Variants in FAM210A observed in about 807,000 individuals in gnomAD.
FAM210A encodes the protein mitochondrial inner membrane scaffold 1.
In FAM210A, 13 loss-of-function variants were observed where a neutral mutation model predicts 25.3. The observed-to-expected ratio is 0.51, with a 90% CI of 0.33 to 0.82. FAM210A has a LOEUF of 0.82. Among genes scored for constraint, FAM210A ranks in the 40% least tolerant of loss-of-function variants. FAM210A has a pLI of 0.02. For synonymous variants in FAM210A, 125 were observed against 118.7 expected, an observed-to-expected ratio of 1.05 and a Z score of -0.35; for missense variants, 319 against 323.2, an observed-to-expected ratio of 0.99 and a Z score of 0.10.
At chr18:13,719,138 G>A (rs1218168302) in intron 1 of FAM210A, among the ~76,000 whole-genome samples, 1 of 152,124 alleles carries the variant, frequency 6.6e-6, no homozygotes, top group Non-Finnish European at 1.5e-5. Flanking sequence ...CATTATATAT[G>A]ACATTCATTT....
chr18:13,679,950 GA>G (rs1313833118), intron 2 of FAM210A, among the ~76,000 whole-genome samples: 3 of 152,002 alleles, frequency 2.0e-5, no homozygotes, highest in Non-Finnish European at 4.4e-5. Context: ...AAAGTAAAAG[GA>G]ACAAAAATAT....
At position 13,666,414 on chromosome 18, in the gene FAM210A, T is replaced by C. The variant is rs539258590; in HGVS notation, c.*66A>G. On this transcript the variant is annotated 3_prime_UTR_variant, in exon 4 of 4. Transcript: ENST00000651643. ...AACCAAAAAAATAATCAGACACATGTATCTTTGCCCATAGTTTCCAAAGGG... is the reference window on the plus strand; with the variant it reads ...AACCAAAAAAATAATCAGACACATGCATCTTTGCCCATAGTTTCCAAAGGG... 60 of 1,279,540 alleles carry C rather than the reference T, an allele frequency of 4.7e-5. No individual in the cohort carries two copies. The East Asian group carries it at 6.8e-4, about 15-fold the overall frequency. The allele number at this position is 1,279,540 out of a possible 1,614,324, so 79.3% of individuals were successfully genotyped here.
At chr18:13,686,311 G>A (rs1364643385) in intron 1 of FAM210A, among the ~76,000 whole-genome samples, 2 of 151,982 alleles carry the variant, frequency 1.3e-5, no homozygotes, top group Non-Finnish European at 1.5e-5. Context: ...CCTCTGAGCT[G>A]TGTATTCACC....
intron 1 of FAM210A, among the ~76,000 whole-genome samples, chr18:13,693,154 T>C (rs1409305533): frequency 9.2e-5 from 14 of 152,192 alleles, no homozygotes; most frequent in African/African-American, 3.4e-4. Flanking sequence ...CTAGAAGAAA[T>C]GGATAAATTC....
At position 13,671,942 on chromosome 18, in the gene FAM210A, T is replaced by A; in HGVS notation, c.505A>T (p.Ile169Phe). 1 of 1,612,550 alleles carries A rather than the reference T, an allele frequency of 6.2e-7. No individual in the cohort carries two copies. Among genetic ancestry groups the A allele is most frequent in the East Asian group, 2.2e-5 (1 of 44,800 alleles). Residue 169 changes from isoleucine (I) to phenylalanine (F), a missense_variant, in exon 3 of 4, where the codon ATT becomes TTT. Physicochemically the swap from Ile to Phe is conservative, Grantham distance 21. Coordinates refer to ENST00000651643, the MANE Select transcript of FAM210A (RefSeq NM_152352.4). ...GVNVVPFLEL[I>F]GLPDSVVSIL... is the part of the protein sequence containing the mutation. ...CTTACCACACTGTCAGGTAACCCAA[T>A]GAGTTCTAGAAAAGGAACGACATTC...
chr18:13,705,856 A>C (rs2043774352), intron 1 of FAM210A, among the ~76,000 whole-genome samples: 1 of 152,182 alleles, frequency 6.6e-6, no homozygotes, highest in Non-Finnish European at 1.5e-5. Flanking sequence ...ATATTTGGCT[A>C]CCTGATGGGT....
chr18:13,681,616 A>G lies in FAM210A; in HGVS notation c.462T>C (p.Tyr154=). 1 of 1,600,496 alleles carries G rather than the reference A, an allele frequency of 6.2e-7. No homozygotes were observed. Among genetic ancestry groups the G allele is most frequent in the Non-Finnish European group, 8.5e-7 (1 of 1,174,368 alleles). Residue 154 remains tyrosine, a synonymous_variant, in exon 2 of 4, where the codon TAT becomes TAC. Coordinates refer to ENST00000651643, the MANE Select transcript of FAM210A (RefSeq NM_152352.4). The part of the protein sequence containing the change: ...TSGVWFGTFY[Y]AALKGVNVVP... ...AAGCAAAAACTTACTTCAAGGCTGCATAATAAAATGTTCCAAACCAAACAC... is the reference window on the plus strand; with the variant it reads ...AAGCAAAAACTTACTTCAAGGCTGCGTAATAAAATGTTCCAAACCAAACAC...
Position 13,666,538 on chromosome 18 carries a change from A to G in FAM210A, c.761T>C (p.Leu254Pro). The change falls in exon 4 of 4, where the codon CTC becomes CCC. Residue 254 changes from leucine (L) to proline (P), a missense_variant. Coordinates refer to ENST00000651643, the MANE Select transcript of FAM210A (RefSeq NM_152352.4). ...TTTGGTTTCTTGTAACTTTTCAGTGAGTCTATCTTTTGTTTCTTCCATTTT... is the reference window on the plus strand; with the variant it reads ...TTTGGTTTCTTGTAACTTTTCAGTGGGTCTATCTTTTGTTTCTTCCATTTT... ...TEKMEETKDR[L>P]TEKLQETKEK... 6.2e-7 allele frequency: 1 copy of G among 1,614,050 alleles called. No individual in the cohort carries two copies. Among genetic ancestry groups the G allele is most frequent in the South Asian group, 1.1e-5 (1 of 91,082 alleles).
chr18:13,718,200 G>C (rs1441544907), intron 1 of FAM210A, among the ~76,000 whole-genome samples: 1 of 152,086 alleles, frequency 6.6e-6, no homozygotes, highest in Non-Finnish European at 1.5e-5. Flanking sequence ...CTAAATGTGG[G>C]GGTAATTTGT....
At chr18:13,695,964 G>A (rs558219647) in intron 1 of FAM210A, among the ~76,000 whole-genome samples, 3 of 152,094 alleles carry the variant, frequency 2.0e-5, no homozygotes, top group African/African-American at 7.2e-5. Context: ...TGATACATAA[G>A]AATTTGAAGT....
intron 1 of FAM210A, among the ~76,000 whole-genome samples, chr18:13,696,661 G>A (rs966671486): frequency 1.3e-5 from 2 of 152,084 alleles, no homozygotes; most frequent in Non-Finnish European, 2.9e-5. Flanking sequence ...CTGCCCCTGG[G>A]TAGGCCCAGG....
At chr18:13,678,433 T>C (rs545204446) in intron 2 of FAM210A, among the ~76,000 whole-genome samples, 137 of 151,978 alleles carry the variant, frequency 9.0e-4, no homozygotes, top group African/African-American at 3.1e-3. Context: ...TTCTGTAGTG[T>C]AATGCACCAC....
At chr18:13,668,586 TG>T (rs1340194527) in intron 3 of FAM210A, among the ~76,000 whole-genome samples, 5 of 152,180 alleles carry the variant, frequency 3.3e-5, no homozygotes, top group African/African-American at 4.8e-5. Context: ...AGTCACTTAA[TG>T]GGGATACGGT....
At chr18:13,688,217 A>AGC (rs1028442559) in intron 1 of FAM210A, among the ~76,000 whole-genome samples, 8 of 152,208 alleles carry the variant, frequency 5.3e-5, no homozygotes, top group Non-Finnish European at 1.0e-4. Flanking sequence ...TGAAACCCAC[A>AGC]GCCCAAAGTG....
Position 13,666,567 on chromosome 18 carries a change from T to C in FAM210A, c.732A>G (p.Thr244=). 5.6e-6 allele frequency: 9 copies of C among 1,614,256 alleles called. No individual in the cohort carries two copies. Among genetic ancestry groups the C allele is most frequent in the Non-Finnish European group, 7.6e-6 (9 of 1,180,050 alleles). ...DRMEETKELI[T]EKMEETKDRL... ...TATCTTTTGTTTCTTCCATTTTCTC[T>C]GTGATAAGCTCCTTTGTCTCTTCCA... is the stretch of plus-strand genomic sequence containing the variant. The change falls in exon 4 of 4, where the codon ACA becomes ACG. Residue 244 remains threonine, a synonymous_variant. Transcript: ENST00000651643.
chr18:13,678,252 T>C (rs1227665777), intron 2 of FAM210A, among the ~76,000 whole-genome samples: 1 of 152,058 alleles, frequency 6.6e-6, no homozygotes, highest in South Asian at 2.1e-4. Flanking sequence ...GCATCCTTTG[T>C]CAGATAAAGA....
chr18:13,667,968 C>A (rs949403355), intron 3 of FAM210A, among the ~76,000 whole-genome samples: 1 of 152,166 alleles, frequency 6.6e-6, no homozygotes, highest in African/African-American at 2.4e-5. Context: ...GAGGCTGATG[C>A]AGGAGGACTG....
Position 13,682,120 on chromosome 18 carries a change from T to C in FAM210A, c.-28-15A>G. 6.6e-7 allele frequency: 1 copy of C among 1,508,344 alleles called. No homozygotes were observed. The highest frequency in any genetic ancestry group is 8.9e-7 in the Non-Finnish European group (1 of 1,126,294). The allele number at this position is 1,508,344 out of a possible 1,614,324, so 93.4% of individuals were successfully genotyped here. ...GGTTTCAGCTTCTACAAAGACAATT[T>C]TTCAAAAAAATTAGGTAATACTTAG... On this transcript the variant is annotated splice_polypyrimidine_tract_variant and intron_variant, in intron 1 of 3. Coordinates refer to ENST00000651643, the MANE Select transcript of FAM210A (RefSeq NM_152352.4).
intron 2 of FAM210A, among the ~76,000 whole-genome samples, chr18:13,681,109 C>T (rs1377835192): frequency 6.6e-6 from 1 of 152,138 alleles, no homozygotes; most frequent in East Asian, 1.9e-4. Context: ...TATGAACATT[C>T]TAAGAAATAT....
Sources: gnomAD v4.1 joint callset for allele counts (sites outside exome capture counted in the v4.1 genomes callset) on GRCh38, gnomAD v4.1.1 for gene constraint, MANE v1.5 for transcripts, NCBI Gene and HGNC (gene_info 2026-07-23, HGNC 2026-07-21) for gene names.